The following DDX31 variants were observed in gnomAD, a reference collection of about 807,000 sequenced individuals.
DDX31 encodes the protein DEAD-box helicase 31.
Under a neutral mutation model 91.3 loss-of-function variants are expected in DDX31, and 70 were observed. The ratio of observed to expected loss-of-function variants is 0.77; its 90% CI spans 0.63 to 0.94. The LOEUF (loss-of-function observed/expected upper bound fraction) is 0.94. Ranked by LOEUF, DDX31 falls within the 40% of genes least tolerant of loss-of-function variation. The probability of loss-of-function intolerance (pLI) is 0.00; values close to 1 mark genes in which losing one functional copy is unlikely to be tolerated. For missense variants in DDX31, 902 were observed against 925.0 expected (o/e 0.98, Z 0.32); for synonymous variants, 362 against 350.6 (o/e 1.03, Z -0.36).
At chr9:132,598,605 AAG>A (rs1589953578) in intron 19 of DDX31, among the ~76,000 whole-genome samples, 2 of 152,246 alleles carry the variant, frequency 1.3e-5, no homozygotes, top group Non-Finnish European at 2.9e-5. Flanking sequence ...ACCACTGGAG[AAG>A]AGAGATCGCA....
chr9:132,612,197 GA>G lies in DDX31; in HGVS notation c.1883del (p.Phe628SerfsTer17), dbSNP rs781610315. ...ATYPRELKHI[F>X]HVRSLHLGHV... Reference sequence around the variant, plus strand: ...GCCCAAGGTGGAGGGATCGGACGTGGAAGATGTGCTTCAGCTCCCTGGGGTA... The same window carrying G: ...GCCCAAGGTGGAGGGATCGGACGTGGAGATGTGCTTCAGCTCCCTGGGGTA... On this transcript the variant is annotated frameshift_variant, in exon 19 of 20. Transcript: ENST00000372159. LOFTEE classifies it high-confidence loss of function. 1.2e-6 allele frequency: 2 copies of G among 1,614,102 alleles called. No individual in the cohort carries two copies. Among genetic ancestry groups the G allele is most frequent in the Non-Finnish European group, 1.7e-6 (2 of 1,180,048 alleles).
At position 132,635,954 on chromosome 9, in the gene DDX31, GAGA is replaced by G. The variant is rs367868141; in HGVS notation, c.1441-3866_1441-3864del. ...AGCAAAACTCTGTCTCAAAAAAAAA[GAGA>G]AGAAGAAAAAGAAAAGAAACACACT... On this transcript the variant is annotated intron_variant, in intron 14 of 19. Transcript: ENST00000372159. 4.7e-4 allele frequency among the ~76,000 whole-genome samples: 71 copies of G among 151,984 alleles called. 2 individuals are homozygous for G. The South Asian group carries it at 0.011, about 24-fold the overall frequency.
chr9:132,638,428 G>A, intron 14 of DDX31: 1 of 1,608,114 alleles, frequency 6.2e-7, no homozygotes, highest in South Asian at 1.1e-5. Context: ...CCCTTTGATT[G>A]CTTAATTCCA....
intron 7 of DDX31, 67 bp downstream of exon 7, chr9:132,652,379 CTT>C (rs1834247980): frequency 6.3e-7 from 1 of 1,597,332 alleles, no homozygotes; most frequent in South Asian, 1.1e-5. Flanking sequence ...GGTAAAACCA[CTT>C]TTAAATTCAA....
At position 132,664,402 on chromosome 9, in the gene DDX31, G is replaced by C. The variant is rs536763620; in HGVS notation, c.76-1707C>G. On this transcript the variant is annotated intron_variant, in intron 1 of 19. Coordinates refer to ENST00000372159, the MANE Select transcript of DDX31 (RefSeq NM_022779.9). The stretch of plus-strand genomic sequence containing the variant: ...CCCATTAGGTTTTCCATTGCTCTTA[G>C]GCTGAACTAAAAAATCTGTAATATT... Among the ~76,000 whole-genome samples the C allele has an allele frequency of 3.9e-5, 6 of 152,150 alleles. No individual in the cohort carries two copies. In the East Asian group the frequency reaches 1.2e-3, roughly 29 times the overall value.
At chr9:132,650,847 G>T (rs984164934) in intron 8 of DDX31, among the ~76,000 whole-genome samples, 1 of 152,314 alleles carries the variant, frequency 6.6e-6, no homozygotes, top group Non-Finnish European at 1.5e-5. Context: ...TGACTATGAT[G>T]AACAAATTGC....
rs756217983 is a variant in DDX31, at chr9:132,625,751, A to T, written c.1632-6T>A. On this transcript the variant is annotated splice_region_variant and splice_polypyrimidine_tract_variant and intron_variant, in intron 16 of 19. Coordinates refer to ENST00000372159, the MANE Select transcript of DDX31 (RefSeq NM_022779.9). ...CCATCTTAATCTCAGAAACGCTGTA[A>T]AAGGAAGGGCACAGCAAGGTAACTT... 2 of 1,612,404 alleles carry T rather than the reference A, an allele frequency of 1.2e-6. No homozygotes were observed. The highest frequency in any genetic ancestry group is 2.7e-5 in the African/African-American group (2 of 74,864).
chr9:132,637,593 CA>C (rs903894065), intron 14 of DDX31, among the ~76,000 whole-genome samples: 6 of 152,206 alleles, frequency 3.9e-5, no homozygotes, highest in Non-Finnish European at 5.9e-5. Context: ...CCCGGCCTGC[CA>C]AAAGTCATTA....
chr9:132,615,006 G>A lies in DDX31; in HGVS notation c.1826-2751C>T, dbSNP rs1360720680. 2.0e-5 allele frequency among the ~76,000 whole-genome samples: 3 copies of A among 152,070 alleles called. No individual in the cohort carries two copies. In the East Asian group the frequency reaches 5.8e-4, roughly 29 times the overall value. ...CAAGGAGCAGGAAGTGCTCATGTTG[G>A]CAGCGTCGAGAATGTGCAGAAGGAA... On this transcript the variant is annotated intron_variant, in intron 18 of 19. Transcript: ENST00000372159.
rs374993005 is a variant in DDX31, at chr9:132,646,171, T to G, written c.1204-100A>C. On this transcript the variant is annotated intron_variant, in intron 12 of 19. Transcript: ENST00000372159. The stretch of plus-strand genomic sequence containing the variant: ...CTATACAGTCATGCTGACCCCCATT[T>G]GGAAATAAAGGTGACTATCTTTGAA... 4.6e-4 allele frequency: 570 copies of G among 1,246,904 alleles called. 2 individuals are homozygous for G. The African/African-American group carries it at 7.4e-3, about 16-fold the overall frequency. The allele number at this position is 1,246,904 out of a possible 1,614,324, so 77.2% of individuals were successfully genotyped here.
intron 16 of DDX31, among the ~76,000 whole-genome samples, chr9:132,628,433 A>G (rs306554): frequency 0.79 from 120,488 of 152,236 alleles, 48,275 homozygotes; most frequent in African/African-American, 0.92. Flanking sequence ...TTTTCCAGAC[A>G]AGATCATCAC....
At chr9:132,645,825 G>A (rs1033967350) in intron 13 of DDX31, 70 bp downstream of exon 13, 19 of 1,501,774 alleles carry the variant, frequency 1.3e-5, no homozygotes, top group East Asian at 9.5e-5. Flanking sequence ...CAGGTTTGCC[G>A]GACTCAGGTT....
intron 14 of DDX31, among the ~76,000 whole-genome samples, chr9:132,639,676 A>T (rs1396608028): frequency 6.6e-6 from 1 of 152,266 alleles, no homozygotes; most frequent in East Asian, 1.9e-4. Context: ...GCTACTAAAA[A>T]TACAAACAAC....
intron 14 of DDX31, among the ~76,000 whole-genome samples, chr9:132,635,455 C>CTTTTTTTTTTTTTTTTTTT (rs981082655): frequency 9.6e-6 from 1 of 104,682 alleles, no homozygotes; most frequent in Non-Finnish European, 1.9e-5. Context: ...ATGTACATAG[C>CTTTTTTTTTTTTTTTTTTT]TTTTTTTTTT....
At chr9:132,668,270 T>G (rs1055934344) in intron 1 of DDX31, among the ~76,000 whole-genome samples, 1 of 152,122 alleles carries the variant, frequency 6.6e-6, no homozygotes, top group African/African-American at 2.4e-5. Flanking sequence ...ACTGCTTAAG[T>G]TAATTCTAGG....
At chr9:132,668,660 T>C (rs1053780014) in intron 1 of DDX31, among the ~76,000 whole-genome samples, 1 of 151,482 alleles carries the variant, frequency 6.6e-6, no homozygotes, top group Non-Finnish European at 1.5e-5. Context: ...CTCCGCCTCC[T>C]GGGTTCACGC....
At chr9:132,661,350 A>T in intron 3 of DDX31, 99 bp from the exon 4 acceptor site, 1 of 1,039,806 alleles carries the variant, frequency 9.6e-7, no homozygotes, top group South Asian at 1.5e-5. Context: ...AACATTGACT[A>T]CTATGATCAA....
chr9:132,624,895 T>C (rs993617310), intron 17 of DDX31, among the ~76,000 whole-genome samples: 1 of 152,252 alleles, frequency 6.6e-6, no homozygotes, highest in African/African-American at 2.4e-5. Flanking sequence ...TGCTAAAGCA[T>C]GAAAGAAACT....
intron 14 of DDX31, among the ~76,000 whole-genome samples, chr9:132,637,291 A>G (rs1005023343): frequency 3.3e-5 from 5 of 152,184 alleles, no homozygotes; most frequent in African/African-American, 1.2e-4. Flanking sequence ...CTTAGAACTT[A>G]GATGTAGCTT....
Sources: allele counts gnomAD v4.1 joint callset (sites outside exome capture counted in the v4.1 genomes callset), GRCh38; gene constraint gnomAD v4.1.1; transcripts MANE v1.5; gene names NCBI Gene and HGNC (gene_info 2026-07-23, HGNC 2026-07-21).